FTO: variants seen among roughly 807,000 people sequenced by gnomAD.
FTO encodes FTO alpha-ketoglutarate dependent dioxygenase.
FTO carries 47 observed loss-of-function variants against 63.9 expected under a neutral mutation model. The observed-to-expected ratio is 0.74, with a 90% confidence interval of 0.58 to 0.94. The LOEUF (loss-of-function observed/expected upper bound fraction) is 0.94, where lower values mean the gene tolerates loss of function less well. Among genes scored for constraint, FTO ranks in the 40% least tolerant of loss-of-function variants. The probability of loss-of-function intolerance (pLI) is 0.00; values close to 1 mark genes in which losing one functional copy is unlikely to be tolerated. For missense variants in FTO, 562 were observed against 618.1 expected (o/e 0.91, Z 0.96); for synonymous variants, 207 against 224.4 (o/e 0.92, Z 0.69).
At chr16:53,885,749 T>C (rs879709556) in intron 6 of FTO, among the ~76,000 whole-genome samples, 2 of 152,130 alleles carry the variant, frequency 1.3e-5, no homozygotes, top group Non-Finnish European at 2.9e-5. Flanking sequence ...CCAGAACCCA[T>C]ATTCCTTTTT....
chr16:53,966,956 G>A (rs1418390281), intron 8 of FTO, among the ~76,000 whole-genome samples: 7 of 152,064 alleles, frequency 4.6e-5, no homozygotes, highest in South Asian at 2.1e-4. Context: ...GTGTGGAGTG[G>A]GTGAGTCCTG....
chr16:53,881,201 G>A (rs2151893308), intron 6 of FTO, among the ~76,000 whole-genome samples: 1 of 151,906 alleles, frequency 6.6e-6, no homozygotes, highest in Middle Eastern at 3.4e-3. Context: ...ACAGACCATA[G>A]CATTCTCCCA....
chr16:53,967,163 G>A (rs1438305222), intron 8 of FTO, among the ~76,000 whole-genome samples: 1 of 152,080 alleles, frequency 6.6e-6, no homozygotes, highest in African/African-American at 2.4e-5. Flanking sequence ...CGGTGGGGAT[G>A]AATTGTTTCT....
chr16:53,911,054 G>A (rs939650435), intron 7 of FTO, among the ~76,000 whole-genome samples: 4 of 152,230 alleles, frequency 2.6e-5, no homozygotes, highest in African/African-American at 9.6e-5. Context: ...GAAAATACCA[G>A]TTTGGAACTT....
At chr16:53,931,029 G>C (rs2082268342) in intron 7 of FTO, among the ~76,000 whole-genome samples, 1 of 152,160 alleles carries the variant, frequency 6.6e-6, no homozygotes, top group Non-Finnish European at 1.5e-5. Context: ...CCCTTTCTTT[G>C]TGAAACTTTC....
chr16:53,996,153 C>A (rs866834671), intron 8 of FTO, among the ~76,000 whole-genome samples: 3 of 152,192 alleles, frequency 2.0e-5, no homozygotes, highest in African/African-American at 7.2e-5. Context: ...CAATGACCAA[C>A]CTTGAAACCT....
chr16:53,840,804 G>C (rs957316783), intron 3 of FTO, among the ~76,000 whole-genome samples: 2 of 152,112 alleles, frequency 1.3e-5, no homozygotes, highest in Non-Finnish European at 2.9e-5. Flanking sequence ...TCACGTCCTT[G>C]TCTAAAATGG....
At position 53,853,752 on chromosome 16, in the gene FTO, T is replaced by A. The variant is rs72805653; in HGVS notation, c.895+9454T>A. Among the ~76,000 whole-genome samples the A allele has an allele frequency of 4.1e-4, 63 of 152,356 alleles. No individual in the cohort carries two copies. The East Asian group carries it at 9.8e-3, about 24-fold the overall frequency. The stretch of plus-strand genomic sequence containing the variant: ...GTTGGGCACTTTGGTTGATTCCATA[T>A]CTTTGCAATTGTGAAATGTGCTGCA... On this transcript the variant is annotated intron_variant, in intron 4 of 8. Transcript: ENST00000471389.
intron 8 of FTO, among the ~76,000 whole-genome samples, chr16:54,032,387 G>A (rs1230028849): frequency 6.6e-6 from 1 of 152,182 alleles, no homozygotes; most frequent in Non-Finnish European, 1.5e-5. Flanking sequence ...ACCAATTTGA[G>A]TATGGGAAGA....
intron 8 of FTO, among the ~76,000 whole-genome samples, chr16:53,997,028 A>G (rs2083947156): frequency 6.6e-6 from 1 of 151,904 alleles, no homozygotes; most frequent in Non-Finnish European, 1.5e-5. Flanking sequence ...CAAGAGAATC[A>G]CTTGAACCCA....
intron 7 of FTO, among the ~76,000 whole-genome samples, chr16:53,900,358 A>G (rs2081371718): frequency 6.6e-6 from 1 of 152,160 alleles, no homozygotes; most frequent in Non-Finnish European, 1.5e-5. Context: ...AGTCTGAAAA[A>G]TCTGAAAGTT....
Position 54,112,122 on chromosome 16 carries a change from A to G in FTO, c.*207A>G. On this transcript the variant is annotated 3_prime_UTR_variant, in exon 9 of 9. Coordinates refer to ENST00000471389, the MANE Select transcript of FTO (RefSeq NM_001080432.3). ...GTGTTATAGTCTGATTTGGTGTTAA[A>G]CAGGACCTTCTTCCCCCAAAATTGT... 1 of 596,402 alleles carries G rather than the reference A, an allele frequency of 1.7e-6. No homozygotes were observed. The highest frequency in any genetic ancestry group is 3.0e-6 in the Non-Finnish European group (1 of 338,224). The allele number at this position is 596,402 out of a possible 1,614,324, so 36.9% of individuals were successfully genotyped here. A position where few individuals can be genotyped will look rare whatever the true frequency, so the allele number is the denominator to read the frequency against.
At chr16:53,856,123 G>C (rs972959511) in intron 4 of FTO, among the ~76,000 whole-genome samples, 1 of 151,878 alleles carries the variant, frequency 6.6e-6, no homozygotes, top group African/African-American at 2.4e-5. Flanking sequence ...TATGTAGGTT[G>C]TATATCCTGT....
At chr16:54,003,319 G>A (rs1261232341) in intron 8 of FTO, among the ~76,000 whole-genome samples, 2 of 152,104 alleles carry the variant, frequency 1.3e-5, no homozygotes, top group Non-Finnish European at 2.9e-5. Context: ...ATGCAACTAT[G>A]GGAAGAAGAA....
intron 8 of FTO, among the ~76,000 whole-genome samples, chr16:54,016,200 C>T (rs1171361202): frequency 1.3e-5 from 2 of 151,966 alleles, no homozygotes; most frequent in Non-Finnish European, 2.9e-5. Flanking sequence ...CCAGAATCCC[C>T]TCCTCTTCAC....
intron 2 of FTO, among the ~76,000 whole-genome samples, chr16:53,812,271 A>AT (rs372641280): frequency 2.0e-3 from 285 of 140,866 alleles, no homozygotes; most frequent in South Asian, 2.5e-3. Context: ...ATCTCACTTA[A>AT]TTTTTTTTTT....
At chr16:54,101,157 G>T (rs750090221) in intron 8 of FTO, among the ~76,000 whole-genome samples, 5 of 151,792 alleles carry the variant, frequency 3.3e-5, no homozygotes, top group African/African-American at 7.3e-5. Context: ...AGGTTTAGGG[G>T]TATGTGTGGA....
In FTO at chr16:53,826,504, C is replaced by T. The variant is rs1274531288; in HGVS notation, c.751+13C>T. ...TATAGCTGTGAAGGTACAGTCTGCT[C>T]TTGGAAAAAGCAGCCCTGTATGTAA... On this transcript the variant is annotated intron_variant, in intron 3 of 8. Coordinates refer to ENST00000471389, the MANE Select transcript of FTO (RefSeq NM_001080432.3). 6.2e-7 allele frequency: 1 copy of T among 1,613,594 alleles called. No individual in the cohort carries two copies. The highest frequency in any genetic ancestry group is 1.1e-5 in the South Asian group (1 of 91,046).
rs71380061 is a variant in FTO at position 54,074,895 on chromosome 16, GGAGAGA to G, written c.1365-36849_1365-36844del. 5.1e-3 allele frequency among the ~76,000 whole-genome samples: 720 copies of G among 141,930 alleles called. 4 individuals carry two copies. The highest frequency in any genetic ancestry group is 0.016 in the African/African-American group (600 of 38,304). 93.1% of individuals were successfully genotyped at this position (141,930 alleles called of 152,430 possible). On this transcript the variant is annotated intron_variant, in intron 8 of 8. Transcript: ENST00000471389. ...TAGCTTTAACCAGAACTGGAAAGAG[GGAGAGA>G]GAGAGAGAGAGAGAGAGTGTGTGTG...
Sources: allele counts gnomAD v4.1 joint callset (sites outside exome capture counted in the v4.1 genomes callset), GRCh38; gene constraint gnomAD v4.1.1; transcripts MANE v1.5; gene names NCBI Gene and HGNC (gene_info 2026-07-23, HGNC 2026-07-21).